The following PIK3R5 variants were observed in gnomAD, a reference collection of about 807,000 sequenced individuals.
PIK3R5 encodes phosphoinositide 3-kinase regulatory subunit 5.
Under a neutral mutation model 94.9 loss-of-function variants are expected in PIK3R5, and 32 were observed. The observed-to-expected ratio is 0.34, with a 90% CI of 0.25 to 0.45. The LOEUF is 0.45. Ranked by LOEUF, PIK3R5 falls within the 20% of genes least tolerant of loss-of-function variation. The probability of loss-of-function intolerance (pLI) is 1.00; values close to 1 mark genes in which losing one functional copy is unlikely to be tolerated. For missense variants in PIK3R5, 853 were observed against 1,144.6 expected (o/e 0.75, Z 3.68); for synonymous variants, 443 against 479.4 (o/e 0.92, Z 0.99).
At chr17:8,916,268 T>C (rs140096506) in intron 1 of PIK3R5, 9 of 152,452 alleles carry the variant, frequency 5.9e-5, no homozygotes, top group Non-Finnish European at 1.3e-4. Context: ...AGTCATCAGC[T>C]GTTTCTTATG....
At position 8,881,071 on chromosome 17, in the gene PIK3R5, C is replaced by G. The variant is rs574695421; in HGVS notation, c.2383-54G>C. The G allele has an allele frequency of 5.4e-6, 7 of 1,306,778 alleles. No homozygotes were observed. Among genetic ancestry groups the G allele is most frequent in the Non-Finnish European group, 5.6e-6 (5 of 899,528 alleles). 80.9% of individuals were successfully genotyped at this position (1,306,778 alleles called of 1,614,324 possible). A position where few individuals can be genotyped will look rare whatever the true frequency, so the allele number is the denominator to read the frequency against. On this transcript the variant is annotated intron_variant, in intron 17 of 18. Coordinates refer to ENST00000447110, the MANE Select transcript of PIK3R5 (RefSeq NM_001142633.3). The surrounding 1 kb of genome is among the most constrained non-coding windows in gnomAD (Gnocchi z 4.8). ...ATCCCTGGCCATCCAACACTGCCAG[C>G]CCCTGGCAGTTCCTTTTCTCAGAAC...
At chr17:8,891,517 ACTGCTAC>A (rs934814137) in intron 6 of PIK3R5, among the ~76,000 whole-genome samples, 2 of 152,020 alleles carry the variant, frequency 1.3e-5, no homozygotes, top group Non-Finnish European at 2.9e-5. Context: ...GTGCCTGGCC[ACTGCTAC>A]CTCCCTTCCC....
In PIK3R5 at chr17:8,886,599, G is replaced by A; in HGVS notation, c.1912C>T (p.Leu638=). 2 of 1,594,240 alleles carry A rather than the reference G, an allele frequency of 1.3e-6. No individual in the cohort carries two copies. The highest frequency in any genetic ancestry group is 1.7e-6 in the Non-Finnish European group (2 of 1,171,676). ...TCCAGGGCCTGGGCTTCAGCCTTCA[G>A]GGACTGCTGTGGCCAGAGGGAAGGG... ...LPPEVLCQQS[L]KAEAQALEGS... is the part of the protein sequence containing the mutation. The change falls in exon 13 of 19, where the codon CTG becomes TTG. Residue 638 remains leucine, a synonymous_variant. Transcript: ENST00000447110.
At chr17:8,923,532 A>G (rs929067790) in intron 1 of PIK3R5, among the ~76,000 whole-genome samples, 2 of 152,200 alleles carry the variant, frequency 1.3e-5, no homozygotes, top group Non-Finnish European at 2.9e-5. Context: ...TGCAAGTAAG[A>G]GCAGCTATAC....
At chr17:8,922,461 A>G (rs2090771787) in intron 1 of PIK3R5, among the ~76,000 whole-genome samples, 1 of 152,140 alleles carries the variant, frequency 6.6e-6, no homozygotes, top group Non-Finnish European at 1.5e-5. Flanking sequence ...TATGGTCACA[A>G]TTCCTATGGC....
chr17:8,953,489 C>T (rs746688329), intron 1 of PIK3R5, among the ~76,000 whole-genome samples: 48 of 152,188 alleles, frequency 3.2e-4, no homozygotes, highest in Non-Finnish European at 5.6e-4. Flanking sequence ...ACACCAACAG[C>T]TATCATAGCA....
intron 1 of PIK3R5, among the ~76,000 whole-genome samples, chr17:8,938,270 T>C (rs2091112326): frequency 6.6e-6 from 1 of 152,234 alleles, no homozygotes; most frequent in South Asian, 2.1e-4. Flanking sequence ...TAAGAAATTA[T>C]TCCATTTCAT....
At position 8,887,093 on chromosome 17, in the gene PIK3R5, T is replaced by A; in HGVS notation, c.1905+3A>T. The stretch of plus-strand genomic sequence containing the variant: ...CCTGTTCCGCAACCACGGGGCCACT[T>A]ACCTGGCACAGGACTTCAGGGGGCA... On this transcript the variant is annotated splice_donor_region_variant and intron_variant, in intron 12 of 18. Coordinates refer to ENST00000447110, the MANE Select transcript of PIK3R5 (RefSeq NM_001142633.3). 1 of 1,613,930 alleles carries A rather than the reference T, an allele frequency of 6.2e-7. No homozygotes were observed.
At chr17:8,963,496 A>G (rs1437679155) in intron 1 of PIK3R5, among the ~76,000 whole-genome samples, 4 of 150,668 alleles carry the variant, frequency 2.7e-5, no homozygotes, top group East Asian at 3.9e-4. Flanking sequence ...GCCACCAGTT[A>G]GCATCCAACC....
At chr17:8,915,039 C>A (rs1169764307) in intron 1 of PIK3R5, among the ~76,000 whole-genome samples, 1 of 152,250 alleles carries the variant, frequency 6.6e-6, no homozygotes, top group African/African-American at 2.4e-5. Context: ...GGGTTTCAAC[C>A]ACTAGAATAC....
chr17:8,958,280 C>CAA (rs10716055), intron 1 of PIK3R5, among the ~76,000 whole-genome samples: 144 of 131,750 alleles, frequency 1.1e-3, no homozygotes, highest in African/African-American at 3.9e-3. Context: ...GAGACTGTCT[C>CAA]AAAAAAAAAA....
intron 5 of PIK3R5, among the ~76,000 whole-genome samples, chr17:8,899,617 A>G (rs969477226): frequency 1.3e-5 from 2 of 152,206 alleles, no homozygotes; most frequent in Non-Finnish European, 2.9e-5. Flanking sequence ...TCTGGTCCCA[A>G]GGACTAGAAG....
chr17:8,948,238 T>C (rs1567670488), intron 1 of PIK3R5, among the ~76,000 whole-genome samples: 3 of 152,026 alleles, frequency 2.0e-5, no homozygotes, highest in Non-Finnish European at 2.9e-5. Flanking sequence ...CCTCCACTTA[T>C]AAGTAGGAGC....
rs780637882 is a variant in PIK3R5, at chr17:8,887,205, G to T, written c.1796C>A (p.Pro599Gln). Residue 599 changes from proline (P) to glutamine (Q), a missense_variant, in exon 12 of 19, where the codon CCA becomes CAA. Pro to Gln is a moderately conservative substitution (Grantham distance 76). Transcript: ENST00000447110. ...HASPGELGTT[P>Q]WEESTNDISH... ...GATGTCATTGGTGCTCTCCTCCCAT[G>T]GGGTGGTGCCCAGCTCCTAGGGCAA... 1.9e-6 allele frequency: 3 copies of T among 1,613,888 alleles called. No homozygotes were observed. The South Asian group carries it at 3.3e-5, about 18-fold the overall frequency.
chr17:8,902,319 G>C (rs551966929), intron 5 of PIK3R5, among the ~76,000 whole-genome samples: 1 of 130,116 alleles, frequency 7.7e-6, no homozygotes, highest in Non-Finnish European at 1.5e-5. Context: ...GCAATGGCAC[G>C]ATCTTGACTC....
chr17:8,938,181 A>T (rs79264237), intron 1 of PIK3R5, among the ~76,000 whole-genome samples: 6,304 of 152,220 alleles, frequency 0.041, 455 homozygotes, highest in African/African-American at 0.14. Context: ...TTGTTTTGGA[A>T]GATTATTGAT....
In PIK3R5 at chr17:8,925,126, G is replaced by A. The variant is rs1196535069; in HGVS notation, c.-13-13619C>T. The stretch of plus-strand genomic sequence containing the variant: ...TAGATGGATAGATAGATAGTAGATG[G>A]ATAGATAGATAGTAGATGAATAGAT... On this transcript the variant is annotated intron_variant, in intron 1 of 18. Transcript: ENST00000447110. This position sits in a 1 kb window ranked among gnomAD's most constrained non-coding sequence, Gnocchi z 5.1. Among the ~76,000 whole-genome samples the A allele has an allele frequency of 6.6e-6, 1 of 150,600 alleles. No homozygotes were observed. The highest frequency in any genetic ancestry group is 1.5e-5 in the Non-Finnish European group (1 of 67,204).
In PIK3R5 at chr17:8,884,894, C is replaced by G; in HGVS notation, c.2129-111G>C. 1 of 830,960 alleles carries G rather than the reference C, an allele frequency of 1.2e-6. No homozygotes were observed. The highest frequency in any genetic ancestry group is 2.0e-6 in the Non-Finnish European group (1 of 497,480). 51.5% of individuals were successfully genotyped at this position (830,960 alleles called of 1,614,324 possible). A position where few individuals can be genotyped will look rare whatever the true frequency, so the allele number is the denominator to read the frequency against. ...CCTCCCCATCCCCTACCACATGGAC[C>G]GTGACTCCCTAGGGATCTGTCTCAC... On this transcript the variant is annotated intron_variant, in intron 14 of 18. Coordinates refer to ENST00000447110, the MANE Select transcript of PIK3R5 (RefSeq NM_001142633.3). The surrounding 1 kb of genome is among the most constrained non-coding windows in gnomAD (Gnocchi z 5.8).
At chr17:8,947,402 G>T (rs2091291971) in intron 1 of PIK3R5, among the ~76,000 whole-genome samples, 1 of 152,156 alleles carries the variant, frequency 6.6e-6, no homozygotes, top group Non-Finnish European at 1.5e-5. Flanking sequence ...CCCATGACTG[G>T]GGTTTGTAGT....
Sources: gnomAD v4.1 joint callset for allele counts (sites outside exome capture counted in the v4.1 genomes callset) on GRCh38, gnomAD v4.1.1 for gene constraint, Gnocchi (gnomAD v3.1) non-coding constraint, MANE v1.5 for transcripts, NCBI Gene and HGNC (gene_info 2026-07-23, HGNC 2026-07-21) for gene names.